Variants in MYLIP observed in about 807,000 individuals in gnomAD.
MYLIP encodes E3 ubiquitin-protein ligase MYLIP.
A neutral mutation model predicts 45.8 loss-of-function variants in MYLIP; 26 were observed. The observed-to-expected ratio is 0.57, with a 90% confidence interval of 0.42 to 0.79. MYLIP has a LOEUF of 0.79. MYLIP is among the 30% of genes least tolerant of loss of function. The pLI is 0.00. For synonymous variants in MYLIP, 213 were observed against 218.1 expected, an observed-to-expected ratio of 0.98 and a Z score of 0.21; for missense variants, 494 against 555.6, an observed-to-expected ratio of 0.89 and a Z score of 1.11.
chr6:16,159,626 A>T, the MYLIP span, among the ~76,000 whole-genome samples: 1 of 152,194 alleles, frequency 6.6e-6, no homozygotes. Flanking sequence ...AATAATGATC[A>T]AAAGGCCACC....
chr6:16,141,727 G>A lies in MYLIP; in HGVS notation c.381G>A (p.Lys127=). The change falls in exon 3 of 7, where the codon AAG becomes AAA. Residue 127 remains lysine (K), a synonymous_variant. Transcript: ENST00000356840. ...TCAGTGCCCTCCTGGCCCAGACCAA[G>A]TTTGGAGACTACAACCAGAACACTG... ...VELSALLAQT[K]FGDYNQNTAK... is the part of the protein sequence containing the mutation. 1.2e-6 allele frequency: 2 copies of A among 1,614,186 alleles called. No homozygotes were observed. Among genetic ancestry groups the A allele is most frequent in the Non-Finnish European group, 1.7e-6 (2 of 1,180,014 alleles).
At chr6:16,150,923 A>G (rs531345043), downstream of MYLIP, among the ~76,000 whole-genome samples, 1 of 152,232 alleles carries the variant, frequency 6.6e-6, no homozygotes, top group East Asian at 1.9e-4. Flanking sequence ...GTGTCCCCTT[A>G]ACTCTGCCAT....
the MYLIP span, among the ~76,000 whole-genome samples, chr6:16,159,709 C>T: frequency 1.3e-5 from 2 of 152,264 alleles, no homozygotes; most frequent in South Asian, 2.1e-4. Flanking sequence ...CTCAGCCTTC[C>T]TCTTTGGAAT....
intron 2 of MYLIP, among the ~76,000 whole-genome samples, chr6:16,139,319 C>A (rs1759616671): frequency 6.7e-6 from 1 of 150,004 alleles, no homozygotes; most frequent in Non-Finnish European, 1.5e-5. Flanking sequence ...ACCCAGGAGG[C>A]GGAGCTTGCA....
downstream of MYLIP, among the ~76,000 whole-genome samples, chr6:16,148,450 T>G (rs960873148): frequency 2.0e-4 from 31 of 152,046 alleles, no homozygotes; most frequent in African/African-American, 7.2e-4. Context: ...AGTCTTTTTT[T>G]TTTTTTTTCA....
At chr6:16,130,892 T>C in intron 2 of MYLIP, 145 bp downstream of exon 2, 1 of 773,432 alleles carries the variant, frequency 1.3e-6, no homozygotes, top group Non-Finnish European at 2.0e-6. Flanking sequence ...CAGGTCCTTT[T>C]GTTGAGGTGG....
At chr6:16,161,760 C>G in the MYLIP span, among the ~76,000 whole-genome samples, 34 of 152,196 alleles carry the variant, frequency 2.2e-4, no homozygotes, top group African/African-American at 7.7e-4. Context: ...ACAATATTTC[C>G]TTATATTATC....
intron 2 of MYLIP, among the ~76,000 whole-genome samples, chr6:16,134,596 C>A (rs1432696084): frequency 6.6e-6 from 1 of 152,210 alleles, no homozygotes; most frequent in Non-Finnish European, 1.5e-5. Context: ...ATCACTTTAA[C>A]TGCAACCCAT....
chr6:16,135,922 G>T (rs1759547694), intron 2 of MYLIP, among the ~76,000 whole-genome samples: 3 of 150,366 alleles, frequency 2.0e-5, no homozygotes, highest in African/African-American at 7.3e-5. Context: ...TACTCTACAT[G>T]CTTTATTACA....
intron 2 of MYLIP, among the ~76,000 whole-genome samples, chr6:16,135,309 A>G (rs1166517014): frequency 6.6e-6 from 1 of 152,218 alleles, no homozygotes; most frequent in Non-Finnish European, 1.5e-5. Context: ...TGAGTGAATA[A>G]GCACATTTTT....
chr6:16,131,134 G>C (rs1280543708), intron 2 of MYLIP, among the ~76,000 whole-genome samples: 2 of 151,938 alleles, frequency 1.3e-5, no homozygotes, highest in African/African-American at 2.4e-5. Flanking sequence ...GTTACTATAG[G>C]TCATTGCAGA....
At position 16,148,093 on chromosome 6, in the gene MYLIP, C is replaced by G. The variant is rs1007931252; in HGVS notation, c.*1342C>G. 6.6e-6 allele frequency: 1 copy of G among 152,570 alleles called. No homozygotes were observed. The highest frequency in any genetic ancestry group is 2.4e-5 in the African/African-American group (1 of 41,420). The allele number at this position is 152,570 out of a possible 1,614,324, so 9.5% of individuals were successfully genotyped here. On this transcript the variant is annotated 3_prime_UTR_variant, in exon 7 of 7. Coordinates refer to ENST00000356840, the MANE Select transcript of MYLIP (RefSeq NM_013262.4). ...AGACATTTTGTCAAATATTAAAACTCTACTTTTTTATGGCACATATTAGCA... is the reference window on the plus strand; with the variant it reads ...AGACATTTTGTCAAATATTAAAACTGTACTTTTTTATGGCACATATTAGCA...
chr6:16,146,820 G>A lies in MYLIP; in HGVS notation c.*69G>A. On this transcript the variant is annotated 3_prime_UTR_variant, in exon 7 of 7. Transcript: ENST00000356840. The stretch of plus-strand genomic sequence containing the variant: ...ACTATTATAAACTATTAAAATGATA[G>A]ATTGTGGAGAAAGTAATTATTCCAA... The A allele has an allele frequency of 7.9e-7, 1 of 1,269,492 alleles. No homozygotes were observed. Among genetic ancestry groups the A allele is most frequent in the Non-Finnish European group, 1.1e-6 (1 of 905,982 alleles). The allele number at this position is 1,269,492 out of a possible 1,614,324, so 78.6% of individuals were successfully genotyped here. A position where few individuals can be genotyped will look rare whatever the true frequency, so the allele number is the denominator to read the frequency against.
chr6:16,153,035 C>A (rs1462788321), downstream of MYLIP, among the ~76,000 whole-genome samples: 2 of 152,108 alleles, frequency 1.3e-5, no homozygotes, highest in East Asian at 3.8e-4. Flanking sequence ...GGTCAGTGTC[C>A]ACAAAGATCA....
intron 2 of MYLIP, among the ~76,000 whole-genome samples, chr6:16,136,698 C>G (rs1197131833): frequency 6.6e-6 from 1 of 152,220 alleles, no homozygotes; most frequent in Non-Finnish European, 1.5e-5. Flanking sequence ...TTCTGTACTC[C>G]CAGCAAGAAT....
chr6:16,155,773 C>T, the MYLIP span, among the ~76,000 whole-genome samples: 1 of 152,192 alleles, frequency 6.6e-6, no homozygotes, highest in Non-Finnish European at 1.5e-5. Flanking sequence ...GGCCCCGTGG[C>T]AGCATCTAGT....
downstream of MYLIP, among the ~76,000 whole-genome samples, chr6:16,153,122 C>T (rs145648600): frequency 4.1e-4 from 62 of 152,300 alleles, no homozygotes; most frequent in African/African-American, 1.4e-3. Flanking sequence ...GATCTTACTT[C>T]CTAGCCTGGG....
intron 2 of MYLIP, among the ~76,000 whole-genome samples, chr6:16,137,443 G>T (rs944298970): frequency 6.6e-6 from 1 of 152,120 alleles, no homozygotes; most frequent in African/African-American, 2.4e-5. Context: ...ATTGGTAATT[G>T]AGAATTTGAA....
At chr6:16,149,645 C>G (rs931547917), downstream of MYLIP, among the ~76,000 whole-genome samples, 1 of 152,134 alleles carries the variant, frequency 6.6e-6, no homozygotes, top group Non-Finnish European at 1.5e-5. Context: ...TTCTCCACTG[C>G]CTTCAGAACA....
Sources: gnomAD v4.1 joint callset for allele counts (sites outside exome capture counted in the v4.1 genomes callset) on GRCh38, gnomAD v4.1.1 for gene constraint, MANE v1.5 for transcripts, NCBI Gene and HGNC (gene_info 2026-07-23, HGNC 2026-07-21) for gene names.